CALN1: variants seen among roughly 807,000 people sequenced by gnomAD.
The protein encoded by CALN1 is calneuron 1.
In CALN1, 17 loss-of-function variants were observed where a neutral mutation model predicts 30.6. The ratio of observed to expected loss-of-function variants is 0.56; its 90% CI spans 0.38 to 0.83. The LOEUF (loss-of-function observed/expected upper bound fraction) is 0.83, where lower values mean the gene tolerates loss of function less well. Ranked by LOEUF, CALN1 falls within the 40% of genes least tolerant of loss-of-function variation. CALN1 has a pLI of 0.00. For missense variants in CALN1, 291 were observed against 354.9 expected (o/e 0.82, Z 1.45); for synonymous variants, 156 against 131.4 (o/e 1.19, Z -1.28).
chr7:72,069,672 CCTTAA>C (rs1426438747), intron 4 of CALN1, among the ~76,000 whole-genome samples: 1 of 152,082 alleles, frequency 6.6e-6, no homozygotes, highest in African/African-American at 2.4e-5. Context: ...CCCCCCAAAT[CCTTAA>C]CTTAAAAAGG....
the CALN1 span, among the ~76,000 whole-genome samples, chr7:72,470,642 G>A: frequency 6.6e-6 from 1 of 152,094 alleles, no homozygotes; most frequent in African/African-American, 2.4e-5. Flanking sequence ...AGTAAAATGA[G>A]TTCCTTGGTA....
At chr7:72,333,291 G>T (rs1460954734) in intron 2 of CALN1, among the ~76,000 whole-genome samples, 4 of 152,182 alleles carry the variant, frequency 2.6e-5, no homozygotes, top group Admixed American at 6.5e-5. Flanking sequence ...TGAATTTTTT[G>T]ATGACAGGCA....
At chr7:72,113,139 T>C (rs1216449268) in intron 3 of CALN1, among the ~76,000 whole-genome samples, 1 of 152,130 alleles carries the variant, frequency 6.6e-6, no homozygotes, top group Non-Finnish European at 1.5e-5. Flanking sequence ...ATCTCCAGTG[T>C]TGGAGGTGGA....
intron 2 of CALN1, among the ~76,000 whole-genome samples, chr7:72,292,205 CATTT>C (rs1293382461): frequency 2.0e-5 from 3 of 151,934 alleles, no homozygotes; most frequent in South Asian, 2.1e-4. Context: ...AAACAACAAA[CATTT>C]ATTTCTCATG....
At chr7:72,423,510 C>T (rs1269024183) in intron 1 of CALN1, among the ~76,000 whole-genome samples, 1 of 152,220 alleles carries the variant, frequency 6.6e-6, no homozygotes, top group Admixed American at 6.5e-5. Context: ...ACCTCACCCC[C>T]AGGAGACCCA....
chr7:71,844,296 A>G (rs1017971564), intron 5 of CALN1, among the ~76,000 whole-genome samples: 1 of 151,968 alleles, frequency 6.6e-6, no homozygotes, highest in African/African-American at 2.4e-5. Flanking sequence ...GCAAGGCCCA[A>G]TTTTTTCTGA....
intron 3 of CALN1, among the ~76,000 whole-genome samples, chr7:72,157,660 G>A (rs1336409771): frequency 2.0e-5 from 3 of 152,162 alleles, no homozygotes; most frequent in African/African-American, 4.8e-5. Flanking sequence ...GAAATGGAGG[G>A]ACAGACCTTT....
At chr7:72,281,024 A>T (rs1797702271) in intron 2 of CALN1, among the ~76,000 whole-genome samples, 1 of 152,168 alleles carries the variant, frequency 6.6e-6, no homozygotes, top group South Asian at 2.1e-4. Flanking sequence ...CACACCTGTA[A>T]TCTCAGCTAC....
chr7:71,823,661 T>G (rs1788730513), intron 5 of CALN1, among the ~76,000 whole-genome samples: 1 of 151,584 alleles, frequency 6.6e-6, no homozygotes, highest in Non-Finnish European at 1.5e-5. Context: ...GAAGTTGCAG[T>G]GAGCCGAGAT....
chr7:72,157,740 T>A (rs564483302), intron 3 of CALN1, among the ~76,000 whole-genome samples: 49 of 151,636 alleles, frequency 3.2e-4, no homozygotes, highest in African/African-American at 9.4e-4. Flanking sequence ...TCAGTTAGTT[T>A]GTTTGTTTGT....
At chr7:72,293,349 A>G (rs762402750) in intron 2 of CALN1, among the ~76,000 whole-genome samples, 3 of 152,186 alleles carry the variant, frequency 2.0e-5, no homozygotes, top group Non-Finnish European at 4.4e-5. Flanking sequence ...AGGAACTAAA[A>G]GGAGAGATGG....
At chr7:72,237,244 A>C (rs947805447) in intron 3 of CALN1, among the ~76,000 whole-genome samples, 1 of 152,086 alleles carries the variant, frequency 6.6e-6, no homozygotes, top group Non-Finnish European at 1.5e-5. Context: ...TCAGCCTCCC[A>C]AAGTGCTAGG....
chr7:72,187,752 T>C (rs558172167), intron 3 of CALN1, among the ~76,000 whole-genome samples: 1 of 152,320 alleles, frequency 6.6e-6, no homozygotes, highest in African/African-American at 2.4e-5. Flanking sequence ...TGTATACGTG[T>C]GATTCTTAGT....
chr7:72,263,480 C>T (rs1796410046), intron 3 of CALN1, among the ~76,000 whole-genome samples: 1 of 152,126 alleles, frequency 6.6e-6, no homozygotes, highest in South Asian at 2.1e-4. Flanking sequence ...TCTGGAGCCT[C>T]AAATTCCTGG....
At chr7:72,403,163 G>C in intron 2 of CALN1, 88 bp downstream of exon 2, 1 of 933,254 alleles carries the variant, frequency 1.1e-6, no homozygotes, top group Non-Finnish European at 1.6e-6. Flanking sequence ...ACACGCAGCA[G>C]CGGCAAAGCC....
At chr7:71,862,362 G>T (rs1428519603) in intron 5 of CALN1, among the ~76,000 whole-genome samples, 1 of 152,210 alleles carries the variant, frequency 6.6e-6, no homozygotes, top group African/African-American at 2.4e-5. Flanking sequence ...CCAGTGGAAG[G>T]TAACTGAATC....
At chr7:72,155,823 G>C (rs536796941) in intron 3 of CALN1, among the ~76,000 whole-genome samples, 1 of 152,202 alleles carries the variant, frequency 6.6e-6, no homozygotes, top group East Asian at 1.9e-4. Context: ...TAGCTGGGAT[G>C]GTTCCCTCTG....
chr7:72,355,328 C>A (rs1376941719), intron 2 of CALN1, among the ~76,000 whole-genome samples: 1 of 152,168 alleles, frequency 6.6e-6, no homozygotes, highest in Non-Finnish European at 1.5e-5. Flanking sequence ...GAGTTCAAGA[C>A]CAGCCTGGCC....
intron 1 of CALN1, among the ~76,000 whole-genome samples, chr7:72,435,167 C>T (rs1002872343): frequency 7.3e-5 from 11 of 150,516 alleles, no homozygotes; most frequent in African/African-American, 1.5e-4. Flanking sequence ...CCTAGGAATT[C>T]GAGGCTGCAG....
Sources: gnomAD v4.1 joint callset for allele counts (sites outside exome capture counted in the v4.1 genomes callset) on GRCh38, gnomAD v4.1.1 for gene constraint, MANE v1.5 for transcripts, NCBI Gene and HGNC (gene_info 2026-07-23, HGNC 2026-07-21) for gene names.